The following FAM117B variants were observed in gnomAD, a reference collection of about 807,000 sequenced individuals.
FAM117B encodes family with sequence similarity 117 member B.
In FAM117B, 22 loss-of-function variants were observed where a neutral mutation model predicts 52.8. The ratio of observed to expected loss-of-function variants is 0.42; its 90% CI spans 0.30 to 0.59. FAM117B has a LOEUF of 0.59. Among genes scored for constraint, FAM117B ranks in the 20% least tolerant of loss-of-function variants. The pLI is 0.22. For synonymous variants in FAM117B, 309 were observed against 324.1 expected (o/e 0.95, Z 0.50); for missense variants, 678 against 802.6 (o/e 0.84, Z 1.88).
Position 202,765,680 on chromosome 2 carries a change from C to A in FAM117B, c.1686C>A (p.Asp562Glu). The stretch of plus-strand genomic sequence containing the variant: ...CCCTGTCTACAAACACAGAGCAAGA[C>A]CGAGTCTCTCGAGGAACAAGTACAG... ...VASLSTNTEQDRVSRGTSTVM... is the reference protein window; with the variant it reads ...VASLSTNTEQERVSRGTSTVM... The change falls in exon 8 of 8, where the codon GAC becomes GAA. Residue 562 changes from aspartate (D) to glutamate (E), a missense_variant. By Grantham distance (45) the Asp-to-Glu change is conservative. This residue lies in a region of FAM117B where 68 missense variants were observed against 80.6 expected (regional missense o/e 0.84). Coordinates refer to ENST00000392238, the MANE Select transcript of FAM117B (RefSeq NM_173511.4). 3 of 1,614,146 alleles carry A rather than the reference C, an allele frequency of 1.9e-6. No homozygotes were observed. The highest frequency in any genetic ancestry group is 2.5e-6 in the Non-Finnish European group (3 of 1,180,032).
At chr2:202,736,883 C>T (rs1464346337) in intron 4 of FAM117B, among the ~76,000 whole-genome samples, 1 of 152,040 alleles carries the variant, frequency 6.6e-6, no homozygotes, top group Non-Finnish European at 1.5e-5. Context: ...CTTTCTCCAT[C>T]CTACTTGCCT....
intron 1 of FAM117B, among the ~76,000 whole-genome samples, chr2:202,654,096 A>T (rs956173550): frequency 3.5e-5 from 5 of 144,514 alleles, no homozygotes; most frequent in South Asian, 2.1e-4. Context: ...AGAGAGAGAG[A>T]GTGAGAGTGT....
intron 4 of FAM117B, among the ~76,000 whole-genome samples, chr2:202,747,560 A>G (rs1025620695): frequency 6.6e-6 from 1 of 152,186 alleles, no homozygotes; most frequent in Non-Finnish European, 1.5e-5. Flanking sequence ...AAGAACCAAA[A>G]GACTACAAAA....
intron 6 of FAM117B, among the ~76,000 whole-genome samples, chr2:202,758,306 T>C (rs558971716): frequency 1.3e-5 from 2 of 152,372 alleles, no homozygotes; most frequent in South Asian, 4.1e-4. Context: ...AGTTGTAAAC[T>C]GTTACTCTTT....
chr2:202,702,538 T>C (rs1043088202), intron 2 of FAM117B, among the ~76,000 whole-genome samples: 2 of 152,240 alleles, frequency 1.3e-5, no homozygotes, highest in African/African-American at 2.4e-5. Context: ...TTGTGACTTA[T>C]TGAAGGCTCA....
At chr2:202,757,070 G>T in intron 5 of FAM117B, 143 bp from the exon 6 acceptor site, 2 of 842,692 alleles carry the variant, frequency 2.4e-6, no homozygotes, top group Non-Finnish European at 3.7e-6. Context: ...TGTCACTAAC[G>T]TGCAACATGA....
intron 2 of FAM117B, among the ~76,000 whole-genome samples, chr2:202,707,694 G>A (rs2105780962): frequency 6.6e-6 from 1 of 152,006 alleles, no homozygotes; most frequent in Non-Finnish European, 1.5e-5. Flanking sequence ...GTGACAGAGT[G>A]AGACTCTGTC....
chr2:202,683,184 C>T (rs62194135), intron 1 of FAM117B, among the ~76,000 whole-genome samples: 27,818 of 152,042 alleles, frequency 0.18, 3,224 homozygotes, highest in South Asian at 0.38. Context: ...AAAAATTAGC[C>T]GGGCGTGGTG....
chr2:202,660,830 T>C (rs1294365371), intron 1 of FAM117B, among the ~76,000 whole-genome samples: 1 of 152,192 alleles, frequency 6.6e-6, no homozygotes, highest in Non-Finnish European at 1.5e-5. Context: ...GAGGGAAGGA[T>C]TCTCTCAGTT....
rs567529527 is a variant in FAM117B, at chr2:202,677,699, T to G, written c.602-18182T>G. ...TTCTTAATCTGGAGGGTAGGATTAA[T>G]GATAGTAGAATATAAACTCCTAAAA... On this transcript the variant is annotated intron_variant, in intron 1 of 7. Transcript: ENST00000392238. Among the ~76,000 whole-genome samples the G allele has an allele frequency of 7.9e-5, 12 of 152,322 alleles. No homozygotes were observed. The East Asian group carries it at 2.3e-3, about 29-fold the overall frequency.
intron 1 of FAM117B, among the ~76,000 whole-genome samples, chr2:202,685,356 A>C (rs775484058): frequency 6.6e-5 from 10 of 152,170 alleles, no homozygotes; most frequent in Non-Finnish European, 1.3e-4. Flanking sequence ...ATGCTCAGGA[A>C]ACTAGGACTA....
intron 1 of FAM117B, among the ~76,000 whole-genome samples, chr2:202,691,023 C>G (rs911525978): frequency 6.6e-6 from 1 of 152,168 alleles, no homozygotes; most frequent in Admixed American, 6.5e-5. Flanking sequence ...CAGGCCCTTA[C>G]TGTCTGAACA....
chr2:202,692,565 G>A (rs1690650543), intron 1 of FAM117B, among the ~76,000 whole-genome samples: 1 of 152,174 alleles, frequency 6.6e-6, no homozygotes, highest in Non-Finnish European at 1.5e-5. Flanking sequence ...CAGCTCTAAT[G>A]AGAAAAGGGA....
In FAM117B at chr2:202,695,940, C is replaced by T. The variant is rs779138107; in HGVS notation, c.661C>T (p.Leu221=). 1.2e-6 allele frequency: 2 copies of T among 1,614,060 alleles called. No homozygotes were observed. The highest frequency in any genetic ancestry group is 1.7e-6 in the Non-Finnish European group (2 of 1,179,976). The change falls in exon 2 of 8, where the codon CTG becomes TTG. Residue 221 remains leucine (L), a synonymous_variant. Transcript: ENST00000392238. ...CAGTATTATCCGACGCACTTCCTCCCTGGATACTCTTGCTGCACCGTATCT... is the reference window on the plus strand; with the variant it reads ...CAGTATTATCCGACGCACTTCCTCCTTGGATACTCTTGCTGCACCGTATCT... ...PSSIIRRTSS[L]DTLAAPYLAG...
chr2:202,706,781 A>ATGTAACAGGAGTGAGTAGAAAG (rs1161661919), intron 2 of FAM117B, among the ~76,000 whole-genome samples: 1 of 152,234 alleles, frequency 6.6e-6, no homozygotes, highest in Non-Finnish European at 1.5e-5. Context: ...TGAAATTAGA[A>ATGTAACAGGAGTGAGTAGAAAG]TGTAACAGGA....
chr2:202,670,516 T>G (rs1690274851), intron 1 of FAM117B, among the ~76,000 whole-genome samples: 1 of 152,008 alleles, frequency 6.6e-6, no homozygotes. Context: ...GTCTTGAACT[T>G]CTGACCTCAA....
chr2:202,726,252 T>C lies in FAM117B; in HGVS notation c.849T>C (p.Ile283=), dbSNP rs113030263. 4 of 1,611,344 alleles carry C rather than the reference T, an allele frequency of 2.5e-6. No individual in the cohort carries two copies. Among genetic ancestry groups the C allele is most frequent in the Non-Finnish European group, 3.4e-6 (4 of 1,178,806 alleles). ...ACTTGCTATTTTTGCTTTCTCAGAT[T>C]GCAAAATTACGCCAGCAGTTGCAGA... ...SWGSTDQLKE[I]AKLRQQLQRS... is the part of the protein sequence containing the mutation. Residue 283 remains isoleucine (I), a splice_region_variant and synonymous_variant, in exon 4 of 8, where the codon ATT becomes ATC. Coordinates refer to ENST00000392238, the MANE Select transcript of FAM117B (RefSeq NM_173511.4).
At chr2:202,697,051 A>G (rs577224706) in intron 2 of FAM117B, among the ~76,000 whole-genome samples, 1 of 152,346 alleles carries the variant, frequency 6.6e-6, no homozygotes, top group Admixed American at 6.5e-5. Context: ...CCTGGGCAAT[A>G]GAGTGAGAAC....
At chr2:202,708,703 T>G (rs996845945) in intron 2 of FAM117B, among the ~76,000 whole-genome samples, 2 of 152,174 alleles carry the variant, frequency 1.3e-5, no homozygotes, top group African/African-American at 4.8e-5. Flanking sequence ...ACTTCTGAGC[T>G]CAAGTGATCC....
Sources: allele counts gnomAD v4.1 joint callset (sites outside exome capture counted in the v4.1 genomes callset), GRCh38; gene constraint gnomAD v4.1.1; regional missense constraint gnomAD v4.1.1; transcripts MANE v1.5; gene names NCBI Gene and HGNC (gene_info 2026-07-23, HGNC 2026-07-21).